Variants in POFUT3 observed in about 807,000 individuals in gnomAD.
POFUT3 encodes GDP-fucose protein O-fucosyltransferase 3.
chr8:33,360,692 C>T, the POFUT3 span: 1 of 152,122 alleles, frequency 6.6e-6, no homozygotes, highest in East Asian at 1.9e-4. Flanking sequence ...TATAAGGTCC[C>T]TCTACCTACT....
the POFUT3 span, among the ~76,000 whole-genome samples, chr8:33,423,818 TAAAAAAAAAAAAAAA>T: frequency 1.4e-5 from 1 of 70,136 alleles, no homozygotes; most frequent in Non-Finnish European, 2.5e-5. Flanking sequence ...GCACACCAAG[TAAAAAAAAAAAAAAA>T]AAAAAAAAAA....
chr8:33,352,349 A>G, the POFUT3 span, among the ~76,000 whole-genome samples: 1 of 152,190 alleles, frequency 6.6e-6, no homozygotes, highest in Non-Finnish European at 1.5e-5. Context: ...TTACACAAAT[A>G]CCTTAAACGG....
At chr8:33,372,355 G>A in the POFUT3 span, 1 of 1,317,126 alleles carries the variant, frequency 7.6e-7, no homozygotes, top group South Asian at 1.9e-5. Context: ...GATAACCAGT[G>A]TCCATAAGAA....
chr8:33,344,653 T>C, the POFUT3 span, among the ~76,000 whole-genome samples: 1 of 152,204 alleles, frequency 6.6e-6, no homozygotes, highest in African/African-American at 2.4e-5. Context: ...CTTCACTTGC[T>C]GAGGGAAAAC....
chr8:33,429,536 G>A, the POFUT3 span, among the ~76,000 whole-genome samples: 3 of 152,098 alleles, frequency 2.0e-5, no homozygotes, highest in Non-Finnish European at 4.4e-5. Flanking sequence ...AAGAAGATAT[G>A]TACTTTCTAT....
chr8:33,327,871 G>C, the POFUT3 span, among the ~76,000 whole-genome samples: 1 of 152,150 alleles, frequency 6.6e-6, no homozygotes, highest in Admixed American at 6.5e-5. Context: ...AGATTTGTTG[G>C]TAGAATTTGG....
the POFUT3 span, among the ~76,000 whole-genome samples, chr8:33,322,632 G>A: frequency 1.3e-5 from 2 of 152,244 alleles, no homozygotes; most frequent in Non-Finnish European, 2.9e-5. Context: ...TAGAATATTT[G>A]AGGATAAAGC....
chr8:33,443,578 T>C, the POFUT3 span, among the ~76,000 whole-genome samples: 5 of 152,182 alleles, frequency 3.3e-5, no homozygotes, highest in Non-Finnish European at 5.9e-5. Context: ...CTGCAACCTC[T>C]GCCTCCCGGG....
chr8:33,433,021 G>A, the POFUT3 span, among the ~76,000 whole-genome samples: 1 of 152,008 alleles, frequency 6.6e-6, no homozygotes, highest in Admixed American at 6.6e-5. Flanking sequence ...AACACCTGAG[G>A]TCAGGAGTTC....
chr8:33,378,137 G>A, the POFUT3 span, among the ~76,000 whole-genome samples: 4 of 152,192 alleles, frequency 2.6e-5, no homozygotes, highest in African/African-American at 4.8e-5. Context: ...ATTGGGGGCA[G>A]CACAGGATTG....
chr8:33,461,497 A>G, the POFUT3 span: 1 of 1,612,710 alleles, frequency 6.2e-7, no homozygotes, highest in East Asian at 2.2e-5. Flanking sequence ...CCTGGTTACC[A>G]GGTGTTCTCT....
chr8:33,380,111 C>CTA, the POFUT3 span, among the ~76,000 whole-genome samples: 10 of 64,938 alleles, frequency 1.5e-4, 2 homozygotes, highest in African/African-American at 7.4e-4. Flanking sequence ...TATATATATA[C>CTA]TATATATATA....
the POFUT3 span, among the ~76,000 whole-genome samples, chr8:33,439,334 C>G: frequency 1.3e-5 from 2 of 151,846 alleles, no homozygotes; most frequent in African/African-American, 4.8e-5. Context: ...ATCTGGGAGG[C>G]GGAGGTTGCA....
At chr8:33,415,536 T>C in the POFUT3 span, among the ~76,000 whole-genome samples, 1,991 of 152,092 alleles carry the variant, frequency 0.013, 37 homozygotes, top group African/African-American at 0.046. Context: ...AAGTACCAGG[T>C]CCCCACCCTC....
At chr8:33,381,365 C>T in the POFUT3 span, among the ~76,000 whole-genome samples, 1 of 152,106 alleles carries the variant, frequency 6.6e-6, no homozygotes, top group Non-Finnish European at 1.5e-5. Flanking sequence ...ATCATTCTAA[C>T]TTAAAAAGAA....
chr8:33,360,881 G>T, the POFUT3 span: 2 of 152,064 alleles, frequency 1.3e-5, no homozygotes, highest in African/African-American at 4.8e-5. Flanking sequence ...ATTTTATTGC[G>T]GAAGTGATGG....
chr8:33,320,825 G>T, the POFUT3 span, among the ~76,000 whole-genome samples: 2 of 152,036 alleles, frequency 1.3e-5, no homozygotes, highest in African/African-American at 4.8e-5. Context: ...CATTCCAGGA[G>T]GCTCAGACAA....
chr8:33,411,221 A>G, the POFUT3 span, among the ~76,000 whole-genome samples: 1 of 152,226 alleles, frequency 6.6e-6, no homozygotes, highest in Non-Finnish European at 1.5e-5. Context: ...ACATATGAAT[A>G]TTAAGATCAA....
At chr8:33,449,278 A>AT in the POFUT3 span, among the ~76,000 whole-genome samples, 21 of 53,760 alleles carry the variant, frequency 3.9e-4, no homozygotes, top group Non-Finnish European at 5.6e-4. Flanking sequence ...ATCCGAGTTG[A>AT]TTTTTTTTTT....
Sources: allele counts gnomAD v4.1 joint callset (sites outside exome capture counted in the v4.1 genomes callset), GRCh38; gene constraint gnomAD v4.1.1; transcripts MANE v1.5; gene names NCBI Gene and HGNC (gene_info 2026-07-23, HGNC 2026-07-21).